TRERF1: variants seen among roughly 807,000 people sequenced by gnomAD.
The protein encoded by TRERF1 is transcriptional regulating factor 1.
TRERF1 carries 27 observed loss-of-function variants against 122.9 expected under a neutral mutation model. The observed-to-expected ratio is 0.22, with a 90% CI of 0.16 to 0.30. The LOEUF is 0.30. TRERF1 is among the 10% of genes least tolerant of loss of function. TRERF1 has a pLI of 1.00. For missense variants in TRERF1, 1,248 were observed against 1,560.3 expected (o/e 0.80, Z 3.37); for synonymous variants, 636 against 641.7 (o/e 0.99, Z 0.13).
intron 2 of TRERF1, among the ~76,000 whole-genome samples, chr6:42,423,567 A>G (rs189153379): frequency 3.3e-5 from 5 of 152,296 alleles, no homozygotes; most frequent in South Asian, 2.1e-4. Context: ...TGGGCAGGAA[A>G]CCATAGATAT....
intron 3 of TRERF1, among the ~76,000 whole-genome samples, chr6:42,319,303 C>T (rs1220075403): frequency 6.6e-6 from 1 of 152,306 alleles, no homozygotes; most frequent in South Asian, 2.1e-4. Flanking sequence ...CATGATACTG[C>T]CCCCATTAAA....
At chr6:42,394,773 A>C (rs990295711) in intron 2 of TRERF1, among the ~76,000 whole-genome samples, 10 of 152,204 alleles carry the variant, frequency 6.6e-5, no homozygotes, top group South Asian at 2.1e-4. Context: ...TTAAAAAAAA[A>C]CAGATATTTA....
intron 2 of TRERF1, among the ~76,000 whole-genome samples, chr6:42,363,373 G>C (rs1772138015): frequency 1.3e-5 from 2 of 152,296 alleles, no homozygotes; most frequent in Admixed American, 1.3e-4. Context: ...CATCAGCAAA[G>C]GACGCCAGCT....
Position 42,244,605 on chromosome 6 carries a change from T to C in TRERF1, c.2746-1244A>G, listed in dbSNP as rs568679684. 1.9e-3 allele frequency among the ~76,000 whole-genome samples: 297 copies of C among 152,352 alleles called. 1 individual carries two copies. Among genetic ancestry groups the C allele is most frequent in the African/African-American group, 6.5e-3 (272 of 41,576 alleles). ...TTGCAACTTGATTTTTTTCTCAATA[T>C]AGCTTGGAAATTTTTTCAGATCAGT... On this transcript the variant is annotated intron_variant, in intron 14 of 17. Transcript: ENST00000372922.
intron 2 of TRERF1, among the ~76,000 whole-genome samples, chr6:42,380,292 TGG>T (rs1453612087): frequency 6.6e-6 from 1 of 151,896 alleles, no homozygotes; most frequent in Non-Finnish European, 1.5e-5. Context: ...GCCTTTTCTC[TGG>T]GGGAGATGGA....
chr6:42,397,343 A>G (rs2151306669), intron 2 of TRERF1, among the ~76,000 whole-genome samples: 1 of 152,300 alleles, frequency 6.6e-6, no homozygotes, highest in Admixed American at 6.5e-5. Context: ...GAGGGGTCAA[A>G]TGACAGGACA....
chr6:42,416,608 T>C (rs943636609), intron 2 of TRERF1, among the ~76,000 whole-genome samples: 1 of 152,204 alleles, frequency 6.6e-6, no homozygotes, highest in Admixed American at 6.5e-5. Flanking sequence ...GAATGTCGCA[T>C]CTTCAGTATT....
intron 2 of TRERF1, among the ~76,000 whole-genome samples, chr6:42,387,028 T>C (rs893837977): frequency 3.9e-5 from 6 of 152,156 alleles, no homozygotes. Flanking sequence ...CATTGCCAAA[T>C]GTCCCCTGAA....
At chr6:42,445,373 C>A (rs1006646809) in intron 2 of TRERF1, among the ~76,000 whole-genome samples, 1 of 151,676 alleles carries the variant, frequency 6.6e-6, no homozygotes, top group Non-Finnish European at 1.5e-5. Context: ...CACACACACA[C>A]ACACACACAC....
intron 12 of TRERF1, among the ~76,000 whole-genome samples, chr6:42,255,874 TAATCCCAGCACTTTGGGAGGCCGA>T (rs1213057347): frequency 6.6e-6 from 1 of 152,062 alleles, no homozygotes; most frequent in Admixed American, 6.6e-5. Context: ...TCCATGCCTG[TAATCCCAGCACTTTGGGAGGCCGA>T]GGTGGGAGGA....
chr6:42,283,168 C>CA (rs1561905944), intron 4 of TRERF1, among the ~76,000 whole-genome samples: 2 of 152,004 alleles, frequency 1.3e-5, no homozygotes, highest in East Asian at 3.8e-4. Flanking sequence ...CTAAATACAC[C>CA]AAAAAAGCAC....
chr6:42,314,612 G>C (rs549895618), intron 3 of TRERF1, among the ~76,000 whole-genome samples: 4 of 152,214 alleles, frequency 2.6e-5, no homozygotes, highest in Non-Finnish European at 5.9e-5. Flanking sequence ...TATAATTAAA[G>C]TGTATAGTGT....
intron 4 of TRERF1, among the ~76,000 whole-genome samples, chr6:42,270,920 C>T (rs548617425): frequency 2.0e-5 from 3 of 151,498 alleles, no homozygotes; most frequent in African/African-American, 7.3e-5. Flanking sequence ...CTACAGGTGC[C>T]CGCCGCCAAG....
In TRERF1 at chr6:42,436,812, AAAATATATATATATATATAT is replaced by A. The variant is rs1401753253; in HGVS notation, c.-454+14345_-454+14364del. ...CAATCTCCCTCTACAAAAAAAAAAA[AAAATATATATATATATATAT>A]ATATATATATATATATGAACTACTT... On this transcript the variant is annotated intron_variant, in intron 2 of 17. Coordinates refer to ENST00000372922, the Ensembl canonical transcript of TRERF1. Among the ~76,000 whole-genome samples, 12 of 97,958 alleles carry A rather than the reference AAAATATATATATATATATAT, an allele frequency of 1.2e-4. 1 individual carries two copies. The highest frequency in any genetic ancestry group is 4.5e-4 in the South Asian group (1 of 2,246). The allele number at this position is 97,958 out of a possible 152,430, so 64.3% of individuals were successfully genotyped here. A position where few individuals can be genotyped will look rare whatever the true frequency, so the allele number is the denominator to read the frequency against.
chr6:42,262,733 A>T (rs1440325922), intron 8 of TRERF1, among the ~76,000 whole-genome samples: 1 of 152,240 alleles, frequency 6.6e-6, no homozygotes, highest in Non-Finnish European at 1.5e-5. Flanking sequence ...GGTGGCTCTC[A>T]GTGGAACTAC....
intron 4 of TRERF1, among the ~76,000 whole-genome samples, chr6:42,290,165 T>A (rs1784062556): frequency 6.6e-6 from 1 of 152,188 alleles, no homozygotes; most frequent in African/African-American, 2.4e-5. Flanking sequence ...GGGTCATGTC[T>A]TCCTCACACC....
chr6:42,417,920 T>A (rs373988350), intron 2 of TRERF1, among the ~76,000 whole-genome samples: 4 of 152,298 alleles, frequency 2.6e-5, no homozygotes, highest in Middle Eastern at 6.8e-3. Flanking sequence ...CAAGTGACAA[T>A]GAACACACAC....
At chr6:42,324,904 G>C (rs1764026936) in intron 3 of TRERF1, among the ~76,000 whole-genome samples, 1 of 152,064 alleles carries the variant, frequency 6.6e-6, no homozygotes, top group Non-Finnish European at 1.5e-5. Context: ...TGACAAGTAG[G>C]GCCTAATTAA....
At chr6:42,316,965 C>T (rs1477976843) in intron 3 of TRERF1, among the ~76,000 whole-genome samples, 3 of 152,158 alleles carry the variant, frequency 2.0e-5, no homozygotes, top group Non-Finnish European at 4.4e-5. Flanking sequence ...TTTTGAGATG[C>T]TTTTCAGACT....
Sources: allele counts gnomAD v4.1 joint callset (sites outside exome capture counted in the v4.1 genomes callset), GRCh38; gene constraint gnomAD v4.1.1; transcripts MANE v1.5; gene names NCBI Gene and HGNC (gene_info 2026-07-23, HGNC 2026-07-21).